Variants in ELP4 observed in about 807,000 individuals in gnomAD.
ELP4 encodes elongator acetyltransferase complex subunit 4.
Under a neutral mutation model 48.9 loss-of-function variants are expected in ELP4, and 51 were observed. That is an observed-to-expected ratio of 1.04 (90% CI 0.83 to 1.32). The LOEUF is 1.32. Among genes scored for constraint, ELP4 ranks in the 40% most tolerant of loss-of-function variants. The probability of loss-of-function intolerance (pLI) is 0.00; values close to 1 mark genes in which losing one functional copy is unlikely to be tolerated. For synonymous variants in ELP4, 210 were observed against 189.2 expected (o/e 1.11, Z -0.90); for missense variants, 519 against 514.6 (o/e 1.01, Z -0.08).
chr11:31,593,085 G>A (rs1027603243), intron 3 of ELP4, among the ~76,000 whole-genome samples: 1 of 152,178 alleles, frequency 6.6e-6, no homozygotes, highest in African/African-American at 2.4e-5. Context: ...AATACAAAAT[G>A]TGTGGCTCTG....
At chr11:31,617,035 C>T (rs759469386) in intron 5 of ELP4, among the ~76,000 whole-genome samples, 5 of 151,906 alleles carry the variant, frequency 3.3e-5, no homozygotes, top group African/African-American at 4.8e-5. Context: ...TTCTCAAAAC[C>T]GTATGATCCA....
At chr11:31,573,780 T>C (rs1458438515) in intron 3 of ELP4, among the ~76,000 whole-genome samples, 1 of 150,356 alleles carries the variant, frequency 6.7e-6, no homozygotes, top group African/African-American at 2.5e-5. Flanking sequence ...TCTTTTAAAC[T>C]TAGTTATTTT....
chr11:31,544,180 GC>G lies in ELP4; in HGVS notation c.381+4399del, dbSNP rs1466634458. Among the ~76,000 whole-genome samples the G allele has an allele frequency of 1.0e-4, 16 of 152,382 alleles. No homozygotes were observed. The East Asian group carries it at 3.1e-3, about 29-fold the overall frequency. On this transcript the variant is annotated intron_variant, in intron 3 of 9. Transcript: ENST00000640961. ...AGTGGGTGCAGTGCACCATGCGCAA[GC>G]CGAAGCAGGGCGAGGCATTGCCTCA...
intron 9 of ELP4, among the ~76,000 whole-genome samples, chr11:31,743,100 C>A (rs1441028792): frequency 6.6e-6 from 1 of 152,108 alleles, no homozygotes; most frequent in Non-Finnish European, 1.5e-5. Context: ...GGGTTGCAAT[C>A]CTACTCTCTG....
At chr11:31,658,383 G>T (rs1223958796) in intron 9 of ELP4, among the ~76,000 whole-genome samples, 1 of 150,818 alleles carries the variant, frequency 6.6e-6, no homozygotes, top group Non-Finnish European at 1.5e-5. Flanking sequence ...ATATTCATAT[G>T]TATGTGTGAA....
rs571679764 is a variant in ELP4, at chr11:31,559,808, CAA to C, written c.381+20026_381+20027del. 1.1e-3 allele frequency among the ~76,000 whole-genome samples: 163 copies of C among 150,558 alleles called. 1 individual carries two copies. The highest frequency in any genetic ancestry group is 2.3e-3 in the South Asian group (11 of 4,776). On this transcript the variant is annotated intron_variant, in intron 3 of 9. Transcript: ENST00000640961. ...ATCCCAGCTACTCGGGTGGCTGAGA[CAA>C]GAGAGTTGCTTGAATCCAGGAGGCA...
At chr11:31,703,735 A>G (rs180806155) in intron 9 of ELP4, among the ~76,000 whole-genome samples, 2 of 152,276 alleles carry the variant, frequency 1.3e-5, no homozygotes, top group South Asian at 2.1e-4. Flanking sequence ...TCACATTATT[A>G]TATGTTTTTA....
intron 9 of ELP4, among the ~76,000 whole-genome samples, chr11:31,737,080 A>G (rs1947336541): frequency 6.6e-6 from 1 of 152,238 alleles, no homozygotes; most frequent in Non-Finnish European, 1.5e-5. Flanking sequence ...ATGTCCAACA[A>G]TGATAGACTG....
chr11:31,714,752 C>G (rs1946806373), intron 9 of ELP4: 2 of 398,466 alleles, frequency 5.0e-6, no homozygotes. Context: ...ATGGCTTCTT[C>G]CTCCGTTTTC....
intron 3 of ELP4, among the ~76,000 whole-genome samples, chr11:31,582,944 A>G (rs1405629649): frequency 1.3e-5 from 2 of 152,048 alleles, no homozygotes; most frequent in East Asian, 1.9e-4. Flanking sequence ...ACCCCTCTAT[A>G]TGAAGACTTT....
At chr11:31,693,566 G>A (rs1263501192) in intron 9 of ELP4, among the ~76,000 whole-genome samples, 1 of 152,140 alleles carries the variant, frequency 6.6e-6, no homozygotes, top group East Asian at 1.9e-4. Flanking sequence ...TATCATTGAT[G>A]GACATTTGGG....
chr11:31,647,479 A>G (rs193192305), intron 7 of ELP4: 1 of 288,270 alleles, frequency 3.5e-6, no homozygotes, highest in Non-Finnish European at 6.5e-6. Flanking sequence ...TATCAGAACT[A>G]ATAAATTTAT....
Position 31,786,710 on chromosome 11 carries a change from C to G in ELP4, c.*3186C>G. The G allele has an allele frequency of 4.4e-6, 1 of 224,944 alleles. No individual in the cohort carries two copies. The allele number at this position is 224,944 out of a possible 1,614,324, so 13.9% of individuals were successfully genotyped here. ...GATAGTAAGAAGAAATGGCAGTGAG[C>G]TGTAGCAAGAAACCAGTTGTTCACC... On this transcript the variant is annotated 3_prime_UTR_variant, in exon 10 of 10. Coordinates refer to ENST00000640961, the MANE Select transcript of ELP4 (RefSeq NM_019040.5).
chr11:31,759,730 G>A (rs139950494), intron 9 of ELP4, among the ~76,000 whole-genome samples: 2,340 of 146,272 alleles, frequency 0.016, 69 homozygotes, highest in African/African-American at 0.056. Flanking sequence ...TTTTTGAGAC[G>A]GAGTCTCGCT....
intron 3 of ELP4, among the ~76,000 whole-genome samples, chr11:31,544,723 C>G (rs1478215488): frequency 6.6e-6 from 1 of 152,212 alleles, no homozygotes; most frequent in African/African-American, 2.4e-5. Context: ...GACCCCTGAC[C>G]CCTGAGCAGC....
In ELP4 at chr11:31,595,173, C is replaced by T. The variant is rs1592145435; in HGVS notation, c.513+272C>T. Among the ~76,000 whole-genome samples the T allele has an allele frequency of 4.6e-5, 7 of 152,184 alleles. 1 individual carries two copies. The South Asian group carries it at 1.4e-3, about 32-fold the overall frequency. ...GACAGAGTAAGTGAACTAATGAAGC[C>T]ATTTCTATCCAGTATGTTTACCTAT... On this transcript the variant is annotated intron_variant, in intron 4 of 9. Transcript: ENST00000640961.
chr11:31,788,102 C>G lies in ELP4; in HGVS notation c.*4578C>G, dbSNP rs1413888668. 9.0e-6 allele frequency: 2 copies of G among 223,162 alleles called. No homozygotes were observed. The highest frequency in any genetic ancestry group is 1.8e-5 in the Non-Finnish European group (2 of 111,652). 13.8% of individuals were successfully genotyped at this position (223,162 alleles called of 1,614,324 possible). ...ACAGTCCTTTTTTACCCAACAAAGG[C>G]TTATTTTTTTCCATCCTTTGCTTGG... is the stretch of plus-strand genomic sequence containing the variant. On this transcript the variant is annotated 3_prime_UTR_variant, in exon 10 of 10. Transcript: ENST00000640961.
chr11:31,555,363 A>C (rs1028095751), intron 3 of ELP4, among the ~76,000 whole-genome samples: 3 of 152,060 alleles, frequency 2.0e-5, no homozygotes, highest in Non-Finnish European at 4.4e-5. Context: ...CTAATCTGAA[A>C]ATATATCTGG....
At chr11:31,577,000 A>T (rs1359710406) in intron 3 of ELP4, among the ~76,000 whole-genome samples, 4 of 152,232 alleles carry the variant, frequency 2.6e-5, no homozygotes, top group Admixed American at 2.6e-4. Flanking sequence ...TAATGAATCC[A>T]GGAGCTGGTT....
Sources: allele counts gnomAD v4.1 joint callset (sites outside exome capture counted in the v4.1 genomes callset), GRCh38; gene constraint gnomAD v4.1.1; transcripts MANE v1.5; gene names NCBI Gene and HGNC (gene_info 2026-07-23, HGNC 2026-07-21).